Variants in SNCAIP observed in about 807,000 individuals in gnomAD.
The protein encoded by SNCAIP is synuclein alpha interacting protein.
In SNCAIP, 43 loss-of-function variants were observed where a neutral mutation model predicts 86.7. The ratio of observed to expected loss-of-function variants is 0.50; its 90% CI spans 0.39 to 0.64. SNCAIP has a LOEUF of 0.64. Among genes scored for constraint, SNCAIP ranks in the 30% least tolerant of loss-of-function variants. The pLI is 0.00. For synonymous variants in SNCAIP, 417 were observed against 427.2 expected (o/e 0.98, Z 0.29); for missense variants, 981 against 1,103.1 (o/e 0.89, Z 1.57).
intron 1 of SNCAIP, among the ~76,000 whole-genome samples, chr5:122,341,162 C>T (rs1757499370): frequency 6.6e-6 from 1 of 152,176 alleles, no homozygotes; most frequent in Non-Finnish European, 1.5e-5. Context: ...CGAGGATAAT[C>T]AGCACCTTGT....
intron 1 of SNCAIP, among the ~76,000 whole-genome samples, chr5:122,333,110 T>A (rs1755725993): frequency 1.3e-5 from 2 of 152,188 alleles, no homozygotes; most frequent in South Asian, 4.1e-4. Flanking sequence ...ATAGAAGCCA[T>A]AAATCAAAGA....
intron 1 of SNCAIP, among the ~76,000 whole-genome samples, chr5:122,353,664 C>T (rs1001882095): frequency 1.3e-5 from 2 of 152,142 alleles, no homozygotes; most frequent in African/African-American, 4.8e-5. Context: ...AGGATTTCCC[C>T]TGCACAAGCT....
chr5:122,313,611 T>C (rs763490296), intron 1 of SNCAIP, among the ~76,000 whole-genome samples: 2 of 152,232 alleles, frequency 1.3e-5, no homozygotes, highest in Non-Finnish European at 2.9e-5. Flanking sequence ...GAACAAGGTG[T>C]AGGAAAGCAG....
At chr5:122,421,129 A>G (rs1410711588) in intron 3 of SNCAIP, among the ~76,000 whole-genome samples, 1 of 152,234 alleles carries the variant, frequency 6.6e-6, no homozygotes, top group African/African-American at 2.4e-5. Flanking sequence ...GACCATCTAG[A>G]TACCTTCCTT....
intron 1 of SNCAIP, among the ~76,000 whole-genome samples, chr5:122,373,961 CA>C (rs1457943847): frequency 2.0e-5 from 3 of 152,164 alleles, no homozygotes; most frequent in African/African-American, 7.2e-5. Context: ...ACCAGAAAAC[CA>C]GAATTCTCGA....
intron 1 of SNCAIP, among the ~76,000 whole-genome samples, chr5:122,315,290 A>C (rs1751477230): frequency 6.6e-6 from 1 of 152,228 alleles, no homozygotes; most frequent in Non-Finnish European, 1.5e-5. Flanking sequence ...AGGGTAACAT[A>C]ACGAGTGGCT....
At chr5:122,344,747 C>T (rs569990110) in intron 1 of SNCAIP, among the ~76,000 whole-genome samples, 24 of 152,144 alleles carry the variant, frequency 1.6e-4, no homozygotes, top group Non-Finnish European at 3.2e-4. Context: ...AAGTAAGTAA[C>T]AATTTATCCA....
chr5:122,408,522 C>G (rs912553616), intron 3 of SNCAIP, among the ~76,000 whole-genome samples: 1 of 152,182 alleles, frequency 6.6e-6, no homozygotes, highest in Non-Finnish European at 1.5e-5. Context: ...TTAGGAGTGC[C>G]CTTTCTTTAG....
At chr5:122,327,222 AC>A (rs1350779763) in intron 1 of SNCAIP, among the ~76,000 whole-genome samples, 1 of 152,142 alleles carries the variant, frequency 6.6e-6, no homozygotes, top group Non-Finnish European at 1.5e-5. Context: ...TGACATGAGT[AC>A]CAGTAATGTG....
At chr5:122,356,786 A>C (rs960866049) in intron 1 of SNCAIP, among the ~76,000 whole-genome samples, 8 of 152,072 alleles carry the variant, frequency 5.3e-5, no homozygotes, top group Admixed American at 2.0e-4. Context: ...CTCTACCCTC[A>C]TCCTGAGTCT....
At chr5:122,326,926 A>G (rs1197956524) in intron 1 of SNCAIP, among the ~76,000 whole-genome samples, 3 of 143,202 alleles carry the variant, frequency 2.1e-5, no homozygotes, top group African/African-American at 8.1e-5. Flanking sequence ...TAACATATAT[A>G]AACTTTCTCA....
intron 1 of SNCAIP, 95 bp from the exon 2 acceptor site, chr5:122,390,994 C>T: frequency 1.4e-6 from 1 of 710,076 alleles, no homozygotes; most frequent in Admixed American, 2.0e-5. Flanking sequence ...CACCCAATAA[C>T]CCTTCTCATC....
At chr5:122,392,130 G>A (rs562874243) in intron 2 of SNCAIP, among the ~76,000 whole-genome samples, 2 of 152,250 alleles carry the variant, frequency 1.3e-5, no homozygotes, top group South Asian at 4.1e-4. Context: ...GCTTCTGGCA[G>A]TTGTTTATTC....
At chr5:122,323,266 G>A (rs573526724) in intron 1 of SNCAIP, 1 of 152,254 alleles carries the variant, frequency 6.6e-6, no homozygotes, top group South Asian at 2.1e-4. Flanking sequence ...CAGTACTGTT[G>A]TGCACTAAAA....
Position 122,451,570 on chromosome 5 carries a change from C to G in SNCAIP, c.2723C>G (p.Ala908Gly). Residue 908 changes from alanine (A) to glycine (G), a missense_variant, in exon 10 of 11, where the codon GCC becomes GGC. Ala to Gly is a moderately conservative substitution (Grantham distance 60). Transcript: ENST00000261368. Reference sequence around the variant, plus strand: ...AAGACAGATGCCAAGGGAAACCCTGCCAGCTCCGCTAGCAAAGGAAAGAAT... The same window carrying G: ...AAGACAGATGCCAAGGGAAACCCTGGCAGCTCCGCTAGCAAAGGAAAGAAT... ...GRKTDAKGNP[A>G]SSASKGKNKA... 6.2e-7 allele frequency: 1 copy of G among 1,612,880 alleles called. No individual in the cohort carries two copies. Among genetic ancestry groups the G allele is most frequent in the Non-Finnish European group, 8.5e-7 (1 of 1,179,202 alleles).
chr5:122,341,084 A>G (rs1219235532), intron 1 of SNCAIP, among the ~76,000 whole-genome samples: 1 of 152,198 alleles, frequency 6.6e-6, no homozygotes, highest in Non-Finnish European at 1.5e-5. Context: ...CTTTGCCGTG[A>G]GGAAGGACAT....
At chr5:122,411,664 G>A (rs1290460873) in intron 3 of SNCAIP, among the ~76,000 whole-genome samples, 1 of 151,984 alleles carries the variant, frequency 6.6e-6, no homozygotes, top group Admixed American at 6.6e-5. Flanking sequence ...CCCTTCTGTG[G>A]CATTTGCTTT....
intron 2 of SNCAIP, among the ~76,000 whole-genome samples, chr5:122,392,875 C>T (rs572980885): frequency 2.2e-4 from 33 of 152,096 alleles, no homozygotes; most frequent in African/African-American, 8.0e-4. Context: ...ATTTATATGA[C>T]CAATGGTGAA....
At chr5:122,388,046 A>C (rs1768577750) in intron 1 of SNCAIP, among the ~76,000 whole-genome samples, 1 of 152,208 alleles carries the variant, frequency 6.6e-6, no homozygotes, top group Non-Finnish European at 1.5e-5. Flanking sequence ...AATGTCCCCA[A>C]GGCATGTTGG....
Sources: allele counts gnomAD v4.1 joint callset (sites outside exome capture counted in the v4.1 genomes callset), GRCh38; gene constraint gnomAD v4.1.1; transcripts MANE v1.5; gene names NCBI Gene and HGNC (gene_info 2026-07-23, HGNC 2026-07-21).